Variants in POLR2K observed in about 807,000 individuals in gnomAD.
The protein encoded by POLR2K is RNA polymerase II, I and III subunit K.
A neutral mutation model predicts 10.1 loss-of-function variants in POLR2K; 9 were observed. The observed-to-expected ratio is 0.89, with a 90% CI of 0.54 to 1.56. The LOEUF (loss-of-function observed/expected upper bound fraction) is 1.56. Among genes scored for constraint, POLR2K ranks in the 40% most tolerant of loss-of-function variants. POLR2K has a pLI of 0.00. For missense variants in POLR2K, 53 were observed against 71.9 expected, an observed-to-expected ratio of 0.74 and a Z score of 0.95; for synonymous variants, 19 against 20.3, an observed-to-expected ratio of 0.94 and a Z score of 0.17.
In POLR2K at chr8:100,153,293, G is replaced by A. The variant is rs1363790311; in HGVS notation, c.155-1G>A. ...TTTGTCCTTAACTCAAATTAATACA[G>A]TGGTCGTTTTTGATGCTCGATGAAT... On this transcript the variant is annotated splice_acceptor_variant, in intron 3 of 3. Coordinates refer to ENST00000353107, the MANE Select transcript of POLR2K (RefSeq NM_005034.4). LOFTEE classifies it high-confidence loss of function. 1.2e-6 allele frequency: 2 copies of A among 1,608,010 alleles called. No individual in the cohort carries two copies. Among genetic ancestry groups the A allele is most frequent in the African/African-American group, 1.3e-5 (1 of 74,840 alleles).
chr8:100,152,862 G>A (rs1345564381), intron 3 of POLR2K, among the ~76,000 whole-genome samples: 3 of 152,058 alleles, frequency 2.0e-5, no homozygotes, highest in Non-Finnish European at 4.4e-5. Context: ...CTGCCTTCCG[G>A]GTTCATGGCA....
Position 100,153,406 on chromosome 8 carries a change from C to T in POLR2K, c.*90C>T. On this transcript the variant is annotated 3_prime_UTR_variant, in exon 4 of 4. Transcript: ENST00000353107. ...GTTGTATAGCTTTCGATTTTGCTTA[C>T]AGTAGTTCCCCCTTATCTTCGGGAG... The T allele has an allele frequency of 3.5e-6, 4 of 1,134,740 alleles. No individual in the cohort carries two copies. The highest frequency in any genetic ancestry group is 5.3e-6 in the Non-Finnish European group (4 of 755,236). The allele number at this position is 1,134,740 out of a possible 1,614,324, so 70.3% of individuals were successfully genotyped here.
rs1814946519 is a variant in POLR2K at position 100,153,448 on chromosome 8, C to G, written c.*132C>G. Reference sequence around the variant, plus strand: ...CTTCGGGAGATACATTCCAAGGCCCCCAGTGAACTCCTGAAACCTCAAACA... The same window carrying G: ...CTTCGGGAGATACATTCCAAGGCCCGCAGTGAACTCCTGAAACCTCAAACA... On this transcript the variant is annotated 3_prime_UTR_variant, in exon 4 of 4. Coordinates refer to ENST00000353107, the MANE Select transcript of POLR2K (RefSeq NM_005034.4). The G allele has an allele frequency of 2.7e-6, 2 of 728,076 alleles. No homozygotes were observed. Among genetic ancestry groups the G allele is most frequent in the Non-Finnish European group, 4.8e-6 (2 of 420,092 alleles). 45.1% of individuals were successfully genotyped at this position (728,076 alleles called of 1,614,324 possible). A position where few individuals can be genotyped will look rare whatever the true frequency, so the allele number is the denominator to read the frequency against.
chr8:100,153,414 C>G lies in POLR2K; in HGVS notation c.*98C>G. ...GCTTTCGATTTTGCTTACAGTAGTTCCCCCTTATCTTCGGGAGATACATTC... is the reference window on the plus strand; with the variant it reads ...GCTTTCGATTTTGCTTACAGTAGTTGCCCCTTATCTTCGGGAGATACATTC... On this transcript the variant is annotated 3_prime_UTR_variant, in exon 4 of 4. Coordinates refer to ENST00000353107, the MANE Select transcript of POLR2K (RefSeq NM_005034.4). The G allele has an allele frequency of 9.6e-7, 1 of 1,043,230 alleles. No individual in the cohort carries two copies. Among genetic ancestry groups the G allele is most frequent in the South Asian group, 1.3e-5 (1 of 74,464 alleles). 64.6% of individuals were successfully genotyped at this position (1,043,230 alleles called of 1,614,324 possible). A position where few individuals can be genotyped will look rare whatever the true frequency, so the allele number is the denominator to read the frequency against.
intron 3 of POLR2K, among the ~76,000 whole-genome samples, chr8:100,152,448 A>G (rs1333960255): frequency 1.3e-5 from 2 of 152,256 alleles, no homozygotes; most frequent in Non-Finnish European, 2.9e-5. Context: ...CTACATTTAT[A>G]TAAGTATTCA....
chr8:100,152,901 G>A (rs948481614), intron 3 of POLR2K, among the ~76,000 whole-genome samples: 1 of 151,994 alleles, frequency 6.6e-6, no homozygotes, highest in Non-Finnish European at 1.5e-5. Flanking sequence ...CTGAGTAGCT[G>A]GGACTACAGG....
intron 2 of POLR2K, 31 bp downstream of exon 2, chr8:100,151,447 ATTTTATTT>A: frequency 5.1e-6 from 7 of 1,375,900 alleles, no homozygotes; most frequent in Non-Finnish European, 6.2e-6. Flanking sequence ...AAGTAAGAAT[ATTTTATTT>A]AAGTTTTTTT....
intron 2 of POLR2K, 95 bp downstream of exon 2, chr8:100,151,511 A>G: frequency 1.2e-6 from 1 of 846,356 alleles, no homozygotes; most frequent in Non-Finnish European, 2.0e-6. Context: ...ACTGGTCTTC[A>G]GAGTTATAAA....
At chr8:100,151,948 G>A (rs568001844) in intron 3 of POLR2K, 32 bp downstream of exon 3, 2 of 974,780 alleles carry the variant, frequency 2.1e-6, no homozygotes, top group African/African-American at 3.2e-5. Flanking sequence ...CTAAATATGA[G>A]TTAGGAGGAA....
Position 100,153,636 on chromosome 8 carries a change from A to G in POLR2K, c.*320A>G, listed in dbSNP as rs188727677. 4.3e-6 allele frequency: 1 copy of G among 234,404 alleles called. No homozygotes were observed. Among genetic ancestry groups the G allele is most frequent in the East Asian group, 9.5e-5 (1 of 10,502 alleles). The allele number at this position is 234,404 out of a possible 1,614,324, so 14.5% of individuals were successfully genotyped here. A position where few individuals can be genotyped will look rare whatever the true frequency, so the allele number is the denominator to read the frequency against. On this transcript the variant is annotated 3_prime_UTR_variant, in exon 4 of 4. Coordinates refer to ENST00000353107, the MANE Select transcript of POLR2K (RefSeq NM_005034.4). ...GTGGTTGGTCTCTCTTGCTTTCAAA[A>G]TATCTTCTTGTACAGTACTCACCTA...
intron 3 of POLR2K, among the ~76,000 whole-genome samples, chr8:100,152,572 G>T (rs1234057233): frequency 6.6e-6 from 1 of 152,180 alleles, no homozygotes; most frequent in Non-Finnish European, 1.5e-5. Flanking sequence ...ACTGAGAGTA[G>T]GCCCAGCATG....
chr8:100,151,452 A>G, intron 2 of POLR2K, 36 bp downstream of exon 2: 1 of 1,337,934 alleles, frequency 7.5e-7, no homozygotes, highest in Non-Finnish European at 1.1e-6. Flanking sequence ...AGAATATTTT[A>G]TTTAAGTTTT....
chr8:100,150,888 C>G (rs538677800), intron 1 of POLR2K, among the ~76,000 whole-genome samples, 179 bp downstream of exon 1: 12 of 152,158 alleles, frequency 7.9e-5, no homozygotes, highest in African/African-American at 2.9e-4. Flanking sequence ...GGAGTTATTT[C>G]ATTGTTCTTC....
intron 1 of POLR2K, 45 bp downstream of exon 1, chr8:100,150,754 A>C (rs1361172578): frequency 6.5e-6 from 1 of 152,830 alleles, no homozygotes; most frequent in Non-Finnish European, 1.5e-5. Flanking sequence ...TATTTGGGCC[A>C]AAACTGGAAA....
chr8:100,153,478 C>CA lies in POLR2K; in HGVS notation c.*165dup. The CA allele has an allele frequency of 1.7e-6, 1 of 602,128 alleles. No individual in the cohort carries two copies. The highest frequency in any genetic ancestry group is 2.9e-6 in the Non-Finnish European group (1 of 339,720). The allele number at this position is 602,128 out of a possible 1,614,324, so 37.3% of individuals were successfully genotyped here. ...GAACTCCTGAAACCTCAAACAGTAC[C>CA]AAACCTTTATACACTGTTTTTTCCA... On this transcript the variant is annotated 3_prime_UTR_variant, in exon 4 of 4. Transcript: ENST00000353107.
chr8:100,152,021 A>G, intron 3 of POLR2K, 105 bp downstream of exon 3: 1 of 692,072 alleles, frequency 1.4e-6, no homozygotes. Context: ...TCTGGATTAC[A>G]GTACTTAAAA....
chr8:100,151,230 T>G, intron 1 of POLR2K, 117 bp from the exon 2 acceptor site: 1 of 757,982 alleles, frequency 1.3e-6, no homozygotes, highest in Non-Finnish European at 2.4e-6. Context: ...CCATAGGATT[T>G]GGGGAAAGGA....
rs1215196813 is a variant in POLR2K at position 100,151,329 on chromosome 8, T to G, written c.-9-18T>G. On this transcript the variant is annotated intron_variant, in intron 1 of 3. Transcript: ENST00000353107. Reference sequence around the variant, plus strand: ...GAAGCCCTTTTGAGATATTCAGTATTTGAGTCTGTGATTTCAGGGGCTAAC... The same window carrying G: ...GAAGCCCTTTTGAGATATTCAGTATGTGAGTCTGTGATTTCAGGGGCTAAC... 6.4e-7 allele frequency: 1 copy of G among 1,561,028 alleles called. No homozygotes were observed. Among genetic ancestry groups the G allele is most frequent in the Non-Finnish European group, 8.8e-7 (1 of 1,131,576 alleles).
rs1814916441 is a variant in POLR2K, at chr8:100,151,418, T to G, written c.61+2T>G. On this transcript the variant is annotated splice_donor_variant, in intron 2 of 3. Coordinates refer to ENST00000353107, the MANE Select transcript of POLR2K (RefSeq NM_005034.4). LOFTEE classifies it high-confidence loss of function. ...AACCAATGATATATATCTGTGGAGGTAAGAGTAGCACTTACCTAAAGTAAG... is the reference window on the plus strand; with the variant it reads ...AACCAATGATATATATCTGTGGAGGGAAGAGTAGCACTTACCTAAAGTAAG... The G allele has an allele frequency of 6.4e-7, 1 of 1,562,464 alleles. No homozygotes were observed. Among genetic ancestry groups the G allele is most frequent in the East Asian group, 2.2e-5 (1 of 44,604 alleles).
Sources: allele counts gnomAD v4.1 joint callset (sites outside exome capture counted in the v4.1 genomes callset), GRCh38; gene constraint gnomAD v4.1.1; transcripts MANE v1.5; gene names NCBI Gene and HGNC (gene_info 2026-07-23, HGNC 2026-07-21).